Variants in ERMAP observed in about 807,000 individuals in gnomAD.
The protein encoded by ERMAP is erythroid membrane-associated protein.
Under a neutral mutation model 49.5 loss-of-function variants are expected in ERMAP, and 34 were observed. The observed-to-expected ratio is 0.69, with a 90% CI of 0.52 to 0.91. The LOEUF (loss-of-function observed/expected upper bound fraction) is 0.91. Among genes scored for constraint, ERMAP ranks in the 40% least tolerant of loss-of-function variants. The probability of loss-of-function intolerance (pLI) is 0.00; values close to 1 mark genes in which losing one functional copy is unlikely to be tolerated. For synonymous variants in ERMAP, 214 were observed against 232.2 expected, an observed-to-expected ratio of 0.92 and a Z score of 0.71; for missense variants, 541 against 582.6, an observed-to-expected ratio of 0.93 and a Z score of 0.74.
Position 42,838,886 on chromosome 1 carries a change from C to T in ERMAP, c.617-15C>T. ...GATCTGATCACTCACTCTTCTCTCT[C>T]TTTCTGGTTTTTAGGAAAACTCCAT... is the stretch of plus-strand genomic sequence containing the variant. On this transcript the variant is annotated splice_polypyrimidine_tract_variant and intron_variant, in intron 7 of 11. Transcript: ENST00000372517. 1.2e-6 allele frequency: 2 copies of T among 1,614,164 alleles called. No homozygotes were observed. Among genetic ancestry groups the T allele is most frequent in the Non-Finnish European group, 1.7e-6 (2 of 1,179,980 alleles).
At chr1:42,841,367 T>C (rs181552511) in intron 11 of ERMAP, among the ~76,000 whole-genome samples, 15 of 152,328 alleles carry the variant, frequency 9.8e-5, no homozygotes, top group Admixed American at 7.2e-4. Context: ...CTTCTCTCTA[T>C]ATTAACATTT....
chr1:42,836,513 G>A (rs773456515), intron 6 of ERMAP, among the ~76,000 whole-genome samples: 5 of 152,088 alleles, frequency 3.3e-5, no homozygotes, highest in Admixed American at 6.5e-5. Context: ...AGTCATTCTC[G>A]TAAGAGCAGT....
At chr1:42,825,784 C>T in intron 2 of ERMAP, 46 bp downstream of exon 2, 1 of 1,288,270 alleles carries the variant, frequency 7.8e-7, no homozygotes, top group Non-Finnish European at 1.0e-6. Context: ...CTTTAACTTT[C>T]TCAGGATCCT....
chr1:42,825,635 C>T lies in ERMAP; in HGVS notation c.-109C>T, dbSNP rs1024098045. 46 of 1,288,636 alleles carry T rather than the reference C, an allele frequency of 3.6e-5. No homozygotes were observed. The highest frequency in any genetic ancestry group is 4.7e-5 in the Non-Finnish European group (46 of 988,718). The allele number at this position is 1,288,636 out of a possible 1,614,324, so 79.8% of individuals were successfully genotyped here. A position where few individuals can be genotyped will look rare whatever the true frequency, so the allele number is the denominator to read the frequency against. On this transcript the variant is annotated 5_prime_UTR_variant, in exon 2 of 12. Transcript: ENST00000372517. ...CCCACATCCCTAGGCCTTCCTGATG[C>T]GCTTGCCTGCTCCCTGGTCTCTCTG...
intron 5 of ERMAP, among the ~76,000 whole-genome samples, chr1:42,835,489 TA>T (rs890589127): frequency 1.3e-5 from 2 of 152,174 alleles, no homozygotes; most frequent in African/African-American, 4.8e-5. Flanking sequence ...AAGACTCTCA[TA>T]AAAAATGGTC....
At chr1:42,834,818 G>C in intron 4 of ERMAP, 1 of 451,918 alleles carries the variant, frequency 2.2e-6, no homozygotes, top group Non-Finnish European at 4.0e-6. Context: ...GCCTCCCAAA[G>C]TGCTGGTATT....
At chr1:42,839,203 C>A in intron 8 of ERMAP, 2 of 544,632 alleles carry the variant, frequency 3.7e-6, no homozygotes. Flanking sequence ...CCTTTTATCA[C>A]CCAGGCATGA....
intron 1 of ERMAP, among the ~76,000 whole-genome samples, chr1:42,818,838 T>A (rs1352816389): frequency 6.6e-6 from 1 of 152,212 alleles, no homozygotes; most frequent in African/African-American, 2.4e-5. Flanking sequence ...AATGTCTTTT[T>A]AAAAACCCTA....
intron 1 of ERMAP, 26 bp downstream of exon 1, chr1:42,817,279 TG>T: frequency 8.1e-7 from 1 of 1,228,964 alleles, no homozygotes; most frequent in Middle Eastern, 2.2e-4. Flanking sequence ...CCCCGACCAC[TG>T]GACCCAGCGC....
At position 42,830,816 on chromosome 1, in the gene ERMAP, C is replaced by T. The variant is rs771128741; in HGVS notation, c.134C>T (p.Thr45Ile). ...TTCCACGTGGCCCTACTAGGGGGCA[C>T]AGCCGAGCTGCTCTGCCCTCTCTCC... The part of the protein sequence containing the change: ...GKFHVALLGG[T>I]AELLCPLSLW... Residue 45 changes from threonine (T) to isoleucine (I), a missense_variant, in exon 4 of 12, where the codon ACA becomes ATA. Coordinates refer to ENST00000372517, the MANE Select transcript of ERMAP (RefSeq NM_001017922.2). 6.3e-7 allele frequency: 1 copy of T among 1,581,880 alleles called. No individual in the cohort carries two copies. The highest frequency in any genetic ancestry group is 8.6e-7 in the Non-Finnish European group (1 of 1,164,446).
Position 42,843,140 on chromosome 1 carries a change from C to A in ERMAP, c.1336C>A (p.Pro446Thr). ...VSLKVNSSLL[P>T]PKAPELKDII... ...CCTCAAGGTGAACTCTTCTTTACTACCCCCGAAGGCCCCAGAGCTGAAGGA... is the reference window on the plus strand; with the variant it reads ...CCTCAAGGTGAACTCTTCTTTACTAACCCCGAAGGCCCCAGAGCTGAAGGA... Residue 446 changes from proline (P) to threonine (T), a missense_variant, in exon 12 of 12, where the codon CCC (proline) becomes ACC (threonine). Coordinates refer to ENST00000372517, the MANE Select transcript of ERMAP (RefSeq NM_001017922.2). 6.2e-7 allele frequency: 1 copy of A among 1,614,156 alleles called. No homozygotes were observed. Among genetic ancestry groups the A allele is most frequent in the Non-Finnish European group, 8.5e-7 (1 of 1,180,026 alleles).
chr1:42,830,957 C>G lies in ERMAP; in HGVS notation c.275C>G (p.Pro92Arg), dbSNP rs779076532. Residue 92 changes from proline to arginine, a missense_variant, in exon 4 of 12, where the codon CCG becomes CGG. Transcript: ENST00000372517. ...DGKDQDEDLM[P>R]EYKGRTVLVR... Reference sequence around the variant, plus strand: ...AAGGACCAGGATGAAGATCTGATGCCGGAATATAAGGGGAGGACGGTGCTA... The same window carrying G: ...AAGGACCAGGATGAAGATCTGATGCGGGAATATAAGGGGAGGACGGTGCTA... The G allele has an allele frequency of 6.2e-7, 1 of 1,614,138 alleles. No homozygotes were observed. Among genetic ancestry groups the G allele is most frequent in the Non-Finnish European group, 8.5e-7 (1 of 1,180,002 alleles).
chr1:42,837,278 T>C, intron 7 of ERMAP, 88 bp downstream of exon 7: 1 of 1,390,186 alleles, frequency 7.2e-7, no homozygotes, highest in Non-Finnish European at 1.0e-6. Context: ...ATTATAAGTC[T>C]ATTTTTATAA....
chr1:42,836,859 T>G (rs1382132256), intron 6 of ERMAP: 3 of 240,854 alleles, frequency 1.2e-5, no homozygotes, highest in Non-Finnish European at 2.4e-5. Flanking sequence ...AAATCTGCAG[T>G]GAGTCAAGAT....
At chr1:42,834,454 C>T (rs1388258443) in intron 4 of ERMAP, among the ~76,000 whole-genome samples, 1 of 152,164 alleles carries the variant, frequency 6.6e-6, no homozygotes, top group Non-Finnish European at 1.5e-5. Flanking sequence ...AATTATAGGG[C>T]AGGATGAGAT....
chr1:42,842,984 T>C lies in ERMAP; in HGVS notation c.1180T>C (p.Phe394Leu). ...THNFSGPLRP[F>L]FEPCLHDGGK... ...CAATTTCTCTGGCCCCCTTCGCCCT[T>C]TCTTTGAACCTTGCCTTCATGATGG... The change falls in exon 12 of 12, where the codon TTC becomes CTC. Residue 394 changes from phenylalanine (F) to leucine (L), a missense_variant. Phe to Leu is a conservative substitution (Grantham distance 22). Transcript: ENST00000372517. The C allele has an allele frequency of 6.2e-7, 1 of 1,614,194 alleles. No individual in the cohort carries two copies. The highest frequency in any genetic ancestry group is 8.5e-7 in the Non-Finnish European group (1 of 1,180,026).
Position 42,842,788 on chromosome 1 carries a change from C to T in ERMAP, c.984C>T (p.His328=), listed in dbSNP as rs776860278. ...GKVTASPANG[H]WLLRQSRGNE... ...TTACTGCCTCACCTGCCAATGGACACTGGCTTCTGCGACAGAGTCGTGGGA... is the reference window on the plus strand; with the variant it reads ...TTACTGCCTCACCTGCCAATGGACATTGGCTTCTGCGACAGAGTCGTGGGA... The change falls in exon 12 of 12, where the codon CAC becomes CAT. Residue 328 remains histidine (H), a synonymous_variant. Coordinates refer to ENST00000372517, the MANE Select transcript of ERMAP (RefSeq NM_001017922.2). The T allele has an allele frequency of 3.1e-6, 5 of 1,614,194 alleles. No homozygotes were observed. Among genetic ancestry groups the T allele is most frequent in the East Asian group, 4.5e-5 (2 of 44,880 alleles).
chr1:42,841,803 A>G (rs1655063860), intron 11 of ERMAP: 1 of 152,260 alleles, frequency 6.6e-6, no homozygotes, highest in Non-Finnish European at 1.5e-5. Context: ...CCCTGTATTT[A>G]TCATCACACA....
At chr1:42,840,124 C>T in intron 9 of ERMAP, 28 bp from the exon 10 acceptor site, 4 of 1,614,194 alleles carry the variant, frequency 2.5e-6, no homozygotes, top group Non-Finnish European at 3.4e-6. Context: ...GCAGTGATAG[C>T]TCATTCCCCT....
Sources: gnomAD v4.1 joint callset for allele counts (sites outside exome capture counted in the v4.1 genomes callset) on GRCh38, gnomAD v4.1.1 for gene constraint, MANE v1.5 for transcripts, NCBI Gene and HGNC (gene_info 2026-07-23, HGNC 2026-07-21) for gene names.